The following DSCAML1 variants were observed in gnomAD, a reference collection of about 807,000 sequenced individuals.
The protein encoded by DSCAML1 is DS cell adhesion molecule like 1, also known as cell adhesion molecule DSCAML1.
In DSCAML1, 38 loss-of-function variants were observed where a neutral mutation model predicts 200.5. The observed-to-expected ratio is 0.19, with a 90% CI of 0.15 to 0.25. The LOEUF (loss-of-function observed/expected upper bound fraction) is 0.25. Among genes scored for constraint, DSCAML1 ranks in the 10% least tolerant of loss-of-function variants. DSCAML1 has a pLI of 1.00. For missense variants in DSCAML1, 2,223 were observed against 2,858.8 expected, an observed-to-expected ratio of 0.78 and a Z score of 5.07; for synonymous variants, 1,215 against 1,165.0, an observed-to-expected ratio of 1.04 and a Z score of -0.87.
At chr11:117,510,203 C>T (rs111494370) in intron 8 of DSCAML1, among the ~76,000 whole-genome samples, 1 of 152,190 alleles carries the variant, frequency 6.6e-6, no homozygotes, top group Admixed American at 6.5e-5. Flanking sequence ...TGAGATGGAG[C>T]CTTTTATTTA....
At position 117,489,211 on chromosome 11, in the gene DSCAML1, C is replaced by T. The variant is rs79790844; in HGVS notation, c.2360-7049G>A. On this transcript the variant is annotated intron_variant, in intron 11 of 32. Coordinates refer to ENST00000651296, the MANE Select transcript of DSCAML1 (RefSeq NM_020693.4). The surrounding 1 kb of genome is among the most constrained non-coding windows in gnomAD (Gnocchi z 4.8). Reference sequence around the variant, plus strand: ...CACCAAAAAGCTGTGGCCTCTGCGGCGGGGCAGCTGCAGCAGGTACTCCTG... The same window carrying T: ...CACCAAAAAGCTGTGGCCTCTGCGGTGGGGCAGCTGCAGCAGGTACTCCTG... 0.013 allele frequency among the ~76,000 whole-genome samples: 2,043 copies of T among 152,260 alleles called. 61 individuals are homozygous for T. Among genetic ancestry groups the T allele is most frequent in the African/African-American group, 0.045 (1,880 of 41,520 alleles).
chr11:117,526,408 A>G (rs1312625650), intron 4 of DSCAML1, among the ~76,000 whole-genome samples: 1 of 151,972 alleles, frequency 6.6e-6, no homozygotes, highest in African/African-American at 2.4e-5. Flanking sequence ...TCTTTCACAA[A>G]CCAGCTTAAA....
intron 3 of DSCAML1, among the ~76,000 whole-genome samples, chr11:117,572,229 T>C (rs2050859437): frequency 6.6e-6 from 1 of 152,248 alleles, no homozygotes; most frequent in South Asian, 2.1e-4. Flanking sequence ...ACCCCTTCCC[T>C]GTAACATTCT....
intron 4 of DSCAML1, 30 bp downstream of exon 4, chr11:117,532,346 G>T (rs772811460): frequency 6.2e-7 from 1 of 1,603,964 alleles, no homozygotes; most frequent in Non-Finnish European, 8.5e-7. Flanking sequence ...TTCCCAGCCT[G>T]CCCCGTTCTC....
chr11:117,647,202 CAT>C (rs961944757), intron 3 of DSCAML1, among the ~76,000 whole-genome samples: 4 of 152,234 alleles, frequency 2.6e-5, no homozygotes, highest in African/African-American at 9.6e-5. Context: ...TCAGCAAAGA[CAT>C]AGACATGGGA....
intron 1 of DSCAML1, among the ~76,000 whole-genome samples, chr11:117,795,821 C>T (rs1295810898): frequency 1.3e-5 from 2 of 152,200 alleles, no homozygotes; most frequent in Admixed American, 1.3e-4. Context: ...GACCCCTCCC[C>T]GGGTGGCAAC....
chr11:117,732,103 A>G (rs184823628), intron 3 of DSCAML1, among the ~76,000 whole-genome samples: 1 of 152,314 alleles, frequency 6.6e-6, no homozygotes, highest in East Asian at 1.9e-4. Flanking sequence ...CCTCCCAGGG[A>G]CATTTGCATG....
chr11:117,606,354 TGTA>T (rs985891902), intron 3 of DSCAML1, among the ~76,000 whole-genome samples: 94 of 152,262 alleles, frequency 6.2e-4, no homozygotes, highest in African/African-American at 2.2e-3. Context: ...GCGGCCTCAG[TGTA>T]AACTCCCCCG....
chr11:117,577,492 TCC>T (rs2050961633), intron 3 of DSCAML1, among the ~76,000 whole-genome samples: 2 of 19,842 alleles, frequency 1.0e-4, no homozygotes, highest in Admixed American at 5.4e-4. Context: ...CTTCCTTCCT[TCC>T]TTCCTTCCTT....
chr11:117,584,193 G>C (rs374984186), intron 3 of DSCAML1, among the ~76,000 whole-genome samples: 1 of 152,064 alleles, frequency 6.6e-6, no homozygotes, highest in Non-Finnish European at 1.5e-5. Context: ...CTCATCTCCC[G>C]GTCTCTAACT....
At position 117,617,680 on chromosome 11, in the gene DSCAML1, G is replaced by A. The variant is rs938061137; in HGVS notation, c.512-85158C>T. Reference sequence around the variant, plus strand: ...GCCACAAGACAACACACAGGTACACGCACACACACACACACACACACACAC... The same window carrying A: ...GCCACAAGACAACACACAGGTACACACACACACACACACACACACACACAC... On this transcript the variant is annotated intron_variant, in intron 3 of 32. Transcript: ENST00000651296. 3.8e-4 allele frequency among the ~76,000 whole-genome samples: 54 copies of A among 143,012 alleles called. No homozygotes were observed. The South Asian group carries it at 3.9e-3, about 10-fold the overall frequency. 93.8% of individuals were successfully genotyped at this position (143,012 alleles called of 152,430 possible). A position where few individuals can be genotyped will look rare whatever the true frequency, so the allele number is the denominator to read the frequency against.
intron 3 of DSCAML1, among the ~76,000 whole-genome samples, chr11:117,746,350 G>A (rs993603367): frequency 1.3e-5 from 2 of 152,192 alleles, no homozygotes; most frequent in African/African-American, 4.8e-5. Context: ...GCAGACCAGG[G>A]TTAGGAGATT....
chr11:117,585,707 C>G lies in DSCAML1; in HGVS notation c.512-53185G>C, dbSNP rs2051128321. On this transcript the variant is annotated intron_variant, in intron 3 of 32. Transcript: ENST00000651296. Reference sequence around the variant, plus strand: ...CTGTTGATCCTCACTCACTGCAATGCAGGATGTAGCTGGCTGAGGAGGGTG... The same window carrying G: ...CTGTTGATCCTCACTCACTGCAATGGAGGATGTAGCTGGCTGAGGAGGGTG... 2.6e-5 allele frequency among the ~76,000 whole-genome samples: 4 copies of G among 152,174 alleles called. No individual in the cohort carries two copies. The South Asian group carries it at 8.3e-4, about 32-fold the overall frequency.
At chr11:117,620,329 G>A (rs76831715) in intron 3 of DSCAML1, among the ~76,000 whole-genome samples, 219 of 152,128 alleles carry the variant, frequency 1.4e-3, no homozygotes, top group African/African-American at 5.1e-3. Context: ...TACCCTACCA[G>A]TACCTGTAAA....
intron 2 of DSCAML1, among the ~76,000 whole-genome samples, chr11:117,778,052 AC>A (rs1435678693): frequency 6.6e-6 from 1 of 152,100 alleles, no homozygotes; most frequent in Non-Finnish European, 1.5e-5. Flanking sequence ...CCACCCCCTG[AC>A]TGTGCACCTG....
chr11:117,462,702 G>A (rs1006154714), intron 17 of DSCAML1, among the ~76,000 whole-genome samples: 9 of 152,098 alleles, frequency 5.9e-5, no homozygotes, highest in East Asian at 1.9e-4. Context: ...AATACAGATC[G>A]CCCATTCGAA....
At chr11:117,812,476 G>T (rs188435023) in intron 1 of DSCAML1, among the ~76,000 whole-genome samples, 69,512 of 150,108 alleles carry the variant, frequency 0.46, 16,300 homozygotes, top group Middle Eastern at 0.51. Flanking sequence ...TCTCCTATCC[G>T]CAATACCTCC....
intron 3 of DSCAML1, among the ~76,000 whole-genome samples, chr11:117,626,103 G>C (rs972200897): frequency 2.0e-5 from 3 of 152,110 alleles, no homozygotes; most frequent in Admixed American, 2.0e-4. Context: ...GCTGAGCTCT[G>C]GGTACAGGGA....
At chr11:117,608,158 CG>C (rs1168614872) in intron 3 of DSCAML1, among the ~76,000 whole-genome samples, 1 of 152,062 alleles carries the variant, frequency 6.6e-6, no homozygotes, top group Non-Finnish European at 1.5e-5. Flanking sequence ...GGTAAATCTA[CG>C]GGGGGATATA....
Sources: allele counts gnomAD v4.1 joint callset (sites outside exome capture counted in the v4.1 genomes callset), GRCh38; gene constraint gnomAD v4.1.1; non-coding constraint Gnocchi (gnomAD v3.1); transcripts MANE v1.5; gene names NCBI Gene and HGNC (gene_info 2026-07-23, HGNC 2026-07-21).